The following TOX3 variants were observed in gnomAD, a reference collection of about 807,000 sequenced individuals.
TOX3 encodes the protein TOX high mobility group box family member 3.
A neutral mutation model predicts 64.3 loss-of-function variants in TOX3; 22 were observed. The observed-to-expected ratio is 0.34, with a 90% confidence interval of 0.24 to 0.49. The LOEUF is 0.49. Ranked by LOEUF, TOX3 falls within the 20% of genes least tolerant of loss-of-function variation. The probability of loss-of-function intolerance (pLI) is 0.99; values close to 1 mark genes in which losing one functional copy is unlikely to be tolerated. For synonymous variants in TOX3, 291 were observed against 273.6 expected (o/e 1.06, Z -0.63); for missense variants, 661 against 714.4 (o/e 0.93, Z 0.85).
At chr16:52,538,549 G>A (rs1963009492) in intron 1 of TOX3, among the ~76,000 whole-genome samples, 1 of 151,968 alleles carries the variant, frequency 6.6e-6, no homozygotes, top group African/African-American at 2.4e-5. Context: ...TGTAGATAAG[G>A]CTACATTAAA....
intron 1 of TOX3, among the ~76,000 whole-genome samples, chr16:52,502,274 A>G (rs532610767): frequency 6.6e-6 from 1 of 152,314 alleles, no homozygotes; most frequent in African/African-American, 2.4e-5. Flanking sequence ...ACATGGATGG[A>G]AAAAAGCCAC....
In TOX3 at chr16:52,514,790, T is replaced by G. The variant is rs150392087; in HGVS notation, c.87+31847A>C. 7.0e-3 allele frequency among the ~76,000 whole-genome samples: 1,063 copies of G among 152,068 alleles called. 15 individuals carry two copies. Among genetic ancestry groups the G allele is most frequent in the African/African-American group, 0.023 (964 of 41,484 alleles). ...ACTTTGGGAGGCCAAGGCGGGTGGA[T>G]CACGAGATCAGGAGATCAAGACCAT... On this transcript the variant is annotated intron_variant, in intron 1 of 6. Coordinates refer to ENST00000219746, the MANE Select transcript of TOX3 (RefSeq NM_001080430.4).
Position 52,464,050 on chromosome 16 carries a change from G to T in TOX3, c.292C>A (p.Gln98Lys). The T allele has an allele frequency of 6.2e-7, 1 of 1,603,338 alleles. No homozygotes were observed. The change falls in exon 3 of 7, where the codon CAG becomes AAG. Residue 98 changes from glutamine (Q) to lysine (K), a missense_variant. Transcript: ENST00000219746. ...FQALSDPLPS[Q>K]GSEFTPQFPP... ...AACTGGGGTGTGAATTCACTTCCCT[G>T]GGAAGGCAATGGATCGCTGAGGGCT...
intron 3 of TOX3, among the ~76,000 whole-genome samples, chr16:52,455,129 A>G (rs1026437583): frequency 6.6e-6 from 1 of 152,154 alleles, no homozygotes; most frequent in African/African-American, 2.4e-5. Flanking sequence ...TCCTTTCACA[A>G]TTACATTTTA....
At chr16:52,509,887 A>C (rs540668665) in intron 1 of TOX3, among the ~76,000 whole-genome samples, 1 of 152,222 alleles carries the variant, frequency 6.6e-6, no homozygotes, top group Non-Finnish European at 1.5e-5. Context: ...TTCAAAGTCT[A>C]AGACCGAGAG....
chr16:52,538,541 T>C (rs1416506778), intron 1 of TOX3, among the ~76,000 whole-genome samples: 1 of 152,194 alleles, frequency 6.6e-6, no homozygotes, highest in Admixed American at 6.5e-5. Flanking sequence ...TTAGTCAATG[T>C]AGATAAGGCT....
intron 1 of TOX3, among the ~76,000 whole-genome samples, chr16:52,520,095 A>G (rs1962566753): frequency 6.6e-6 from 1 of 152,212 alleles, no homozygotes. Context: ...CATGTCCCAT[A>G]TATCTAATTT....
At chr16:52,459,294 G>A (rs1051380187) in intron 3 of TOX3, among the ~76,000 whole-genome samples, 3 of 152,034 alleles carry the variant, frequency 2.0e-5, no homozygotes, top group Non-Finnish European at 4.4e-5. Context: ...GAGTGACAGA[G>A]TAAGATCCTC....
chr16:52,438,934 T>C lies in TOX3; in HGVS notation c.*291A>G, dbSNP rs1240028931. ...GTCATCAGTATGTCCCAGGATTCAT[T>C]AAACAGTTTGATTCACATATTGTAG... On this transcript the variant is annotated 3_prime_UTR_variant, in exon 7 of 7. Coordinates refer to ENST00000219746, the MANE Select transcript of TOX3 (RefSeq NM_001080430.4). 7.0e-6 allele frequency: 4 copies of C among 573,070 alleles called. No individual in the cohort carries two copies. The highest frequency in any genetic ancestry group is 1.8e-5 in the African/African-American group (1 of 54,098). 35.5% of individuals were successfully genotyped at this position (573,070 alleles called of 1,614,324 possible). A position where few individuals can be genotyped will look rare whatever the true frequency, so the allele number is the denominator to read the frequency against.
chr16:52,525,602 C>T (rs1184138623), intron 1 of TOX3, among the ~76,000 whole-genome samples: 2 of 152,298 alleles, frequency 1.3e-5, no homozygotes, highest in Middle Eastern at 3.4e-3. Flanking sequence ...AAGAGGGGCT[C>T]ATCTCACACC....
chr16:52,515,329 C>A (rs1474905520), intron 1 of TOX3, among the ~76,000 whole-genome samples: 3 of 152,048 alleles, frequency 2.0e-5, no homozygotes, highest in African/African-American at 7.2e-5. Context: ...TGTTCAAATT[C>A]TACTAGTTTT....
At chr16:52,520,384 C>T (rs1042465712) in intron 1 of TOX3, among the ~76,000 whole-genome samples, 20 of 152,222 alleles carry the variant, frequency 1.3e-4, no homozygotes, top group African/African-American at 4.8e-4. Context: ...GATGTAACCA[C>T]TGCCAGCTGT....
In TOX3 at chr16:52,439,839, G is replaced by C. The variant is rs745322355; in HGVS notation, c.1117C>G (p.Gln373Glu). The change falls in exon 7 of 7, where the codon CAG (glutamine) becomes GAG (glutamate). Residue 373 changes from glutamine to glutamate, a missense_variant. Gln to Glu is a conservative substitution (Grantham distance 29). Transcript: ENST00000219746. ...CTAGGGAGGGATTGCTGGAGAGTCT[G>C]AGGTGATGCTGACACTGTTCCATGT... ...SQHGTVSASP[Q>E]TLQQSLPRSI... The C allele has an allele frequency of 6.2e-7, 1 of 1,613,898 alleles. No homozygotes were observed. The highest frequency in any genetic ancestry group is 2.2e-5 in the East Asian group (1 of 44,856).
chr16:52,510,759 C>CAAAAAAAAA (rs71376169), intron 1 of TOX3, among the ~76,000 whole-genome samples: 1 of 72,070 alleles, frequency 1.4e-5, no homozygotes, highest in Non-Finnish European at 2.7e-5. Context: ...GACCCTGTCT[C>CAAAAAAAAA]AAAAAAAAAA....
At chr16:52,522,827 T>A (rs1202724373) in intron 1 of TOX3, among the ~76,000 whole-genome samples, 1 of 152,200 alleles carries the variant, frequency 6.6e-6, no homozygotes, top group Non-Finnish European at 1.5e-5. Flanking sequence ...TGTTTGTTTG[T>A]TTTTTGTTTT....
chr16:52,497,706 C>G (rs187654201), intron 1 of TOX3, among the ~76,000 whole-genome samples: 1 of 152,014 alleles, frequency 6.6e-6, no homozygotes, highest in Non-Finnish European at 1.5e-5. Flanking sequence ...AAATAATAGC[C>G]CAATGTTCAG....
chr16:52,464,002 G>C lies in TOX3; in HGVS notation c.340C>G (p.Pro114Ala). Residue 114 changes from proline (P) to alanine (A), a missense_variant, in exon 3 of 7, where the codon CCT (proline) becomes GCT (alanine). Physicochemically the swap from Pro to Ala is conservative, Grantham distance 27. Around this residue, in one of 3 missense-constraint regions of TOX3, gnomAD observed 259 missense variants for 261.2 expected, o/e 0.99. Transcript: ENST00000219746. ...AGATTTCTTGAGATTGTAATGGAAG[G>C]GAGGTCCAGGCTTTGAGGGGGAAAC... ...PQFPPQSLDL[P>A]SITISRNLVE... The C allele has an allele frequency of 1.9e-6, 3 of 1,598,592 alleles. No homozygotes were observed. Among genetic ancestry groups the C allele is most frequent in the Non-Finnish European group, 2.6e-6 (3 of 1,172,426 alleles).
Position 52,451,068 on chromosome 16 carries a change from G to T in TOX3, c.409-522C>A, listed in dbSNP as rs146616478. ...ATTCTCCCAGAAATGCACAGGGCAC[G>T]CAGAGGATGGGCCAGCAAAGCATAG... On this transcript the variant is annotated intron_variant, in intron 3 of 6. Coordinates refer to ENST00000219746, the MANE Select transcript of TOX3 (RefSeq NM_001080430.4). 4.1e-4 allele frequency among the ~76,000 whole-genome samples: 62 copies of T among 152,226 alleles called. No individual in the cohort carries two copies. The Middle Eastern group carries it at 0.01, about 25-fold the overall frequency.
At chr16:52,524,152 T>C (rs1389157370) in intron 1 of TOX3, among the ~76,000 whole-genome samples, 1 of 152,204 alleles carries the variant, frequency 6.6e-6, no homozygotes, top group African/African-American at 2.4e-5. Flanking sequence ...ACTGTGGACA[T>C]TAAGATGCCA....
Sources: gnomAD v4.1 joint callset for allele counts (sites outside exome capture counted in the v4.1 genomes callset) on GRCh38, gnomAD v4.1.1 for gene constraint, gnomAD v4.1.1 regional missense constraint, MANE v1.5 for transcripts, NCBI Gene and HGNC (gene_info 2026-07-23, HGNC 2026-07-21) for gene names.